Variants in NBPF11 observed in about 807,000 individuals in gnomAD.
NBPF11 encodes the protein NBPF member 11.
Under a neutral mutation model 93.9 loss-of-function variants are expected in NBPF11, and 72 were observed. The observed-to-expected ratio is 0.77, with a 90% confidence interval of 0.63 to 0.93. The LOEUF is 0.93. NBPF11 is among the 40% of genes least tolerant of loss of function. The pLI is 0.00. For missense variants in NBPF11, 705 were observed against 802.2 expected (o/e 0.88, Z 1.46); for synonymous variants, 224 against 304.9 (o/e 0.73, Z 2.76).
At chr1:148,126,001 CT>C (rs1463618338) in intron 5 of NBPF11, among the ~76,000 whole-genome samples, 1 of 151,828 alleles carries the variant, frequency 6.6e-6, no homozygotes, top group African/African-American at 2.4e-5. Context: ...ATTTATTTAT[CT>C]TTTTGTTTGT....
Position 148,122,088 on chromosome 1 carries a change from C to T in NBPF11, c.745G>A (p.Asp249Asn). 3.1e-6 allele frequency: 5 copies of T among 1,612,492 alleles called. No homozygotes were observed. Among genetic ancestry groups the T allele is most frequent in the Non-Finnish European group, 3.4e-6 (4 of 1,178,650 alleles). Residue 249 changes from aspartate to asparagine, a missense_variant, in exon 9 of 24, where the codon GAT (aspartate) becomes AAT (asparagine). Asp to Asn is a conservative substitution (Grantham distance 23, BLOSUM62 1). Coordinates refer to ENST00000682118, the MANE Select transcript of NBPF11 (RefSeq NM_001385469.3). ...SLVVDRESSH[D>N]GCQDALNILP... ...ATGTTTAGAGCATCCTGACATCCAT[C>T]ATGAGAGGATTCTCTGTCTACAACC...
intron 16 of NBPF11, among the ~76,000 whole-genome samples, chr1:148,109,800 T>C (rs1404301042): frequency 8.2e-5 from 11 of 133,530 alleles, no homozygotes; most frequent in African/African-American, 1.5e-4. Context: ...TCAGCTATTA[T>C]GGCTTTTGTG....
At position 148,112,922 on chromosome 1, in the gene NBPF11, G is replaced by C. The variant is rs28862723; in HGVS notation, c.1637+1515C>G. ...TCCTTTACAGAGAAGCAAATGCTGA[G>C]AGATTTTGTCACCACCAGGCCTGCC... On this transcript the variant is annotated intron_variant, in intron 15 of 23. Transcript: ENST00000682118. Among the ~76,000 whole-genome samples, 106 of 151,070 alleles carry C rather than the reference G, an allele frequency of 7.0e-4. 1 individual carries two copies. Among genetic ancestry groups the C allele is most frequent in the South Asian group, 8.3e-4 (4 of 4,800 alleles).
intron 1 of NBPF11, among the ~76,000 whole-genome samples, chr1:148,150,756 C>T (rs1157968414): frequency 8.8e-5 from 13 of 148,164 alleles, no homozygotes; most frequent in Non-Finnish European, 1.8e-4. Flanking sequence ...GAGGGAGTCT[C>T]GCTCTGTCAC....
Position 148,124,079 on chromosome 1 carries a change from C to T in NBPF11, c.279-12G>A, listed in dbSNP as rs1266514907. On this transcript the variant is annotated splice_polypyrimidine_tract_variant and intron_variant, in intron 6 of 23. Transcript: ENST00000682118. ...GGACTTTATATTGCCTAAGGTGAGACGGTAGAGAAAATTTAACAGTGAAAA... is the reference window on the plus strand; with the variant it reads ...GGACTTTATATTGCCTAAGGTGAGATGGTAGAGAAAATTTAACAGTGAAAA... 108 of 1,606,052 alleles carry T rather than the reference C, an allele frequency of 6.7e-5. No homozygotes were observed. The highest frequency in any genetic ancestry group is 2.0e-4 in the East Asian group (9 of 44,844).
intron 15 of NBPF11, among the ~76,000 whole-genome samples, chr1:148,111,306 C>T (rs1473259037): frequency 2.0e-5 from 3 of 152,038 alleles, no homozygotes; most frequent in African/African-American, 7.3e-5. Context: ...GAAACCAGAG[C>T]ACAAAAGCTG....
chr1:148,141,023 C>G lies in NBPF11; in HGVS notation c.-277+2392G>C, dbSNP rs2746951. On this transcript the variant is annotated intron_variant, in intron 2 of 23. Coordinates refer to ENST00000682118, the MANE Select transcript of NBPF11 (RefSeq NM_001385469.3). ...ATGAAAAGGCGTGGAGGAACTTAAA[C>G]TACATAATGCTAGAAAGAAGCCAGT... Among the ~76,000 whole-genome samples, 121 of 150,454 alleles carry G rather than the reference C, an allele frequency of 8.0e-4. 2 individuals carry two copies. The East Asian group carries it at 0.013, about 17-fold the overall frequency.
chr1:148,123,640 C>T (rs1196800065), intron 7 of NBPF11, among the ~76,000 whole-genome samples: 1 of 151,856 alleles, frequency 6.6e-6, no homozygotes, highest in African/African-American at 2.4e-5. Context: ...GACCACCTTC[C>T]ATCAAGGAAG....
intron 4 of NBPF11, among the ~76,000 whole-genome samples, chr1:148,132,310 T>C (rs1670532359): frequency 6.8e-6 from 1 of 147,668 alleles, no homozygotes; most frequent in Non-Finnish European, 1.5e-5. Context: ...TACATGTGAG[T>C]ATCTATTTCT....
In NBPF11 at chr1:148,102,224, T is replaced by C. The variant is rs1174256975; in HGVS notation, c.*1672A>G. On this transcript the variant is annotated 3_prime_UTR_variant, in exon 24 of 24. Coordinates refer to ENST00000682118, the MANE Select transcript of NBPF11 (RefSeq NM_001385469.3). Reference sequence around the variant, plus strand: ...AAAATTAAAACTCAGGCAAAGAATGTTTTCTTCTTTTTGCAACAGCAGACA... The same window carrying C: ...AAAATTAAAACTCAGGCAAAGAATGCTTTCTTCTTTTTGCAACAGCAGACA... 1,467 of 150,790 alleles carry C rather than the reference T, an allele frequency of 9.7e-3. 6 individuals are homozygous for C. Among genetic ancestry groups the C allele is most frequent in the African/African-American group, 0.035 (1,400 of 40,150 alleles). The allele number at this position is 150,790 out of a possible 1,614,324, so 9.3% of individuals were successfully genotyped here.
chr1:148,115,923 G>T lies in NBPF11; in HGVS notation c.1455C>A (p.Ser485Arg), dbSNP rs1441623461. The part of the protein sequence containing the change: ...LEECAITCSN[S>R]HGPYDSNQPH... ...GCTGGTTGGAGTCATAAGGGCCATG[G>T]CTATTTGAACAAGTGATGGCACACT... Residue 485 changes from serine (S) to arginine (R), a missense_variant, in exon 14 of 24, where the codon AGC becomes AGA. Around this residue, in one of 12 missense-constraint regions of NBPF11, gnomAD observed 54 missense variants for 91.8 expected, o/e 0.59. Transcript: ENST00000682118. The T allele has an allele frequency of 1.9e-6, 3 of 1,584,968 alleles. No homozygotes were observed. Among genetic ancestry groups the T allele is most frequent in the Admixed American group, 1.7e-5 (1 of 57,750 alleles).
chr1:148,145,845 AC>A lies in NBPF11; in HGVS notation c.-548-2160del, dbSNP rs1385048335. ...CACTAAGCTGTGATTGTACCACTGC[AC>A]TCCAGCCTGGGCAACAGAGTGAGAT... On this transcript the variant is annotated intron_variant, in intron 1 of 23. Coordinates refer to ENST00000682118, the MANE Select transcript of NBPF11 (RefSeq NM_001385469.3). Among the ~76,000 whole-genome samples the A allele has an allele frequency of 8.6e-5, 13 of 151,190 alleles. 1 individual carries two copies. Among genetic ancestry groups the A allele is most frequent in the African/African-American group, 3.2e-4 (13 of 40,880 alleles).
chr1:148,106,171 G>A lies in NBPF11; in HGVS notation c.2303+10C>T, dbSNP rs1360721288. ...AACACAGAAGTAGCTGTTCACAATT[G>A]CTCAGTTACCTGGGGCACGGTGGGC... On this transcript the variant is annotated intron_variant, in intron 21 of 23. Transcript: ENST00000682118. The A allele has an allele frequency of 1.7e-3, 1,441 of 832,582 alleles. 14 individuals carry two copies. The African/African-American group carries it at 0.021, about 12-fold the overall frequency. The allele number at this position is 832,582 out of a possible 1,614,324, so 51.6% of individuals were successfully genotyped here.
At chr1:148,146,412 G>A (rs1189047374) in intron 1 of NBPF11, 7 of 1,602,214 alleles carry the variant, frequency 4.4e-6, no homozygotes, top group Admixed American at 1.7e-5. Context: ...GGCTGTCGCT[G>A]AGTGAGCTCT....
chr1:148,112,153 T>C (rs1483977955), intron 15 of NBPF11, among the ~76,000 whole-genome samples: 1 of 139,588 alleles, frequency 7.2e-6, no homozygotes, highest in African/African-American at 2.8e-5. Flanking sequence ...TGTGTGTATG[T>C]ATATATATAT....
At chr1:148,107,420 C>G (rs1663975516) in intron 19 of NBPF11, among the ~76,000 whole-genome samples, 1 of 151,122 alleles carries the variant, frequency 6.6e-6, no homozygotes, top group Non-Finnish European at 1.5e-5. Flanking sequence ...ACACAGCGAA[C>G]AGTGATCATG....
At chr1:148,122,331 T>G (rs1205423240) in intron 8 of NBPF11, 65 bp from the exon 9 acceptor site, 4 of 1,609,308 alleles carry the variant, frequency 2.5e-6, no homozygotes, top group Non-Finnish European at 3.4e-6. Context: ...CCCCAAGGAG[T>G]CCTAGCTGGT....
intron 8 of NBPF11, among the ~76,000 whole-genome samples, chr1:148,122,514 G>C (rs1260060545): frequency 6.6e-6 from 1 of 152,082 alleles, no homozygotes; most frequent in Non-Finnish European, 1.5e-5. Context: ...AGAGGATGAA[G>C]ACTCAGCTAT....
At chr1:148,120,960 C>T (rs1667683335) in intron 9 of NBPF11, among the ~76,000 whole-genome samples, 1 of 152,014 alleles carries the variant, frequency 6.6e-6, no homozygotes, top group Non-Finnish European at 1.5e-5. Context: ...AAGGCTTGGC[C>T]CTGAGATTTT....
Sources: gnomAD v4.1 joint callset for allele counts (sites outside exome capture counted in the v4.1 genomes callset) on GRCh38, gnomAD v4.1.1 for gene constraint, gnomAD v4.1.1 regional missense constraint, MANE v1.5 for transcripts, NCBI Gene and HGNC (gene_info 2026-07-23, HGNC 2026-07-21) for gene names.